Variants in LCA5L observed in about 807,000 individuals in gnomAD.
The protein encoded by LCA5L is lebercilin LCA5 like, also known as lebercilin-like protein.
Under a neutral mutation model 45.4 loss-of-function variants are expected in LCA5L, and 35 were observed. The observed-to-expected ratio is 0.77, with a 90% CI of 0.59 to 1.02. The LOEUF (loss-of-function observed/expected upper bound fraction) is 1.02. LCA5L is among the 50% of genes least tolerant of loss of function. The pLI is 0.00. For missense variants in LCA5L, 668 were observed against 761.6 expected, an observed-to-expected ratio of 0.88 and a Z score of 1.45; for synonymous variants, 233 against 264.7, an observed-to-expected ratio of 0.88 and a Z score of 1.16.
At chr21:39,414,861 A>C (rs2040859791) in intron 7 of LCA5L, among the ~76,000 whole-genome samples, 1 of 151,514 alleles carries the variant, frequency 6.6e-6, no homozygotes, top group Admixed American at 6.6e-5. Context: ...ATCTTCCAGA[A>C]ATTCTTTGTT....
intron 3 of LCA5L, among the ~76,000 whole-genome samples, chr21:39,431,280 C>T (rs1275565218): frequency 6.6e-6 from 1 of 152,050 alleles, no homozygotes; most frequent in African/African-American, 2.4e-5. Context: ...TTTGCAGGAT[C>T]CTTATAGCTA....
chr21:39,444,882 C>T (rs547425116), intron 1 of LCA5L: 10 of 152,112 alleles, frequency 6.6e-5, no homozygotes, highest in African/African-American at 1.9e-4. Flanking sequence ...TGAGCGCTAT[C>T]TTGGACGAGC....
intron 2 of LCA5L, among the ~76,000 whole-genome samples, chr21:39,439,309 C>G (rs1390180082): frequency 6.6e-6 from 1 of 152,200 alleles, no homozygotes; most frequent in Non-Finnish European, 1.5e-5. Flanking sequence ...ATCAGTCCTG[C>G]TGACATCCTA....
chr21:39,411,045 T>C (rs780276469), intron 8 of LCA5L: 30 of 400,586 alleles, frequency 7.5e-5, no homozygotes, highest in Non-Finnish European at 1.2e-4. Flanking sequence ...ATGAGAGGTA[T>C]ACACTAATGA....
At chr21:39,441,847 G>T (rs1454837774) in intron 2 of LCA5L, among the ~76,000 whole-genome samples, 1 of 152,152 alleles carries the variant, frequency 6.6e-6, no homozygotes. Context: ...TATTTTAATA[G>T]AATTGTATTA....
At chr21:39,434,484 G>A (rs1270821052) in intron 3 of LCA5L, among the ~76,000 whole-genome samples, 1 of 152,102 alleles carries the variant, frequency 6.6e-6, no homozygotes, top group Non-Finnish European at 1.5e-5. Context: ...ATTATGTGGT[G>A]CATTTTTGAA....
At chr21:39,419,917 A>T (rs2041997462) in intron 7 of LCA5L, among the ~76,000 whole-genome samples, 1 of 152,222 alleles carries the variant, frequency 6.6e-6, no homozygotes, top group Admixed American at 6.5e-5. Flanking sequence ...AAAGCAGTAT[A>T]CATATTTTTA....
Position 39,433,821 on chromosome 21 carries a change from G to C in LCA5L, c.-92+1599C>G, listed in dbSNP as rs375724264. Among the ~76,000 whole-genome samples, 9 of 148,112 alleles carry C rather than the reference G, an allele frequency of 6.1e-5. No homozygotes were observed. The East Asian group carries it at 8.0e-4, about 13-fold the overall frequency. ...CTTCTATTGCCCAGGCTGGAGTGCA[G>C]TGGCACGATCTTGGCTCACTGCAAC... On this transcript the variant is annotated intron_variant, in intron 3 of 10. Transcript: ENST00000288350.
In LCA5L at chr21:39,406,678, T is replaced by C. The variant is rs1210771677; in HGVS notation, c.1283-66A>G. ...AATGGATCTCTATTTCAAGATGGCA[T>C]GTCTAGTACACTTACGTGCACCGCC... On this transcript the variant is annotated intron_variant, in intron 10 of 10. Transcript: ENST00000288350. 3.9e-6 allele frequency: 5 copies of C among 1,269,940 alleles called. No homozygotes were observed. In the East Asian group the frequency reaches 6.9e-5, roughly 18 times the overall value. The allele number at this position is 1,269,940 out of a possible 1,614,324, so 78.7% of individuals were successfully genotyped here.
chr21:39,424,995 A>G (rs1024173371), intron 5 of LCA5L, among the ~76,000 whole-genome samples: 2 of 152,212 alleles, frequency 1.3e-5, no homozygotes, highest in African/African-American at 4.8e-5. Context: ...CCCATTGTCT[A>G]TGTGCCTATG....
At chr21:39,417,610 G>A (rs2041450091) in intron 7 of LCA5L, among the ~76,000 whole-genome samples, 2 of 152,098 alleles carry the variant, frequency 1.3e-5, no homozygotes, top group African/African-American at 2.4e-5. Flanking sequence ...AATTTATAAG[G>A]GACAGAGGTT....
rs777511988 is a variant in LCA5L at position 39,406,611 on chromosome 21, A to G, written c.1284T>C (p.Asp428=). The G allele has an allele frequency of 6.4e-7, 1 of 1,563,796 alleles. No individual in the cohort carries two copies. Among genetic ancestry groups the G allele is most frequent in the South Asian group, 1.2e-5 (1 of 81,922 alleles). ...KQEDSKRKYE[D]LSGEEKHLEV... is the part of the protein sequence containing the mutation. ...CCAAATGTTTCTCTTCCCCTGATAA[A>G]TCTATATTAGAAAAATAGGCAATTT... is the stretch of plus-strand genomic sequence containing the variant. The change falls in exon 11 of 11, where the codon GAT becomes GAC. Residue 428 remains aspartate, a splice_region_variant and synonymous_variant. Coordinates refer to ENST00000288350, the MANE Select transcript of LCA5L (RefSeq NM_152505.4).
At chr21:39,412,795 G>A (rs1260170456) in intron 7 of LCA5L, among the ~76,000 whole-genome samples, 4 of 152,144 alleles carry the variant, frequency 2.6e-5, no homozygotes, top group African/African-American at 9.7e-5. Flanking sequence ...CGCCTCCCCC[G>A]CCGCCCCATT....
chr21:39,440,988 G>A (rs2076781926), intron 2 of LCA5L, among the ~76,000 whole-genome samples: 1 of 151,890 alleles, frequency 6.6e-6, no homozygotes, highest in South Asian at 2.1e-4. Flanking sequence ...CCAATTTTTT[G>A]CTTCAGAAAT....
At chr21:39,440,048 T>G (rs980182634) in intron 2 of LCA5L, among the ~76,000 whole-genome samples, 4 of 152,110 alleles carry the variant, frequency 2.6e-5, no homozygotes, top group Admixed American at 1.3e-4. Context: ...TGCATATATA[T>G]CTATAAATGT....
At chr21:39,421,339 C>T (rs1249830537) in intron 6 of LCA5L, among the ~76,000 whole-genome samples, 4 of 152,028 alleles carry the variant, frequency 2.6e-5, no homozygotes, top group South Asian at 2.1e-4. Context: ...TGGCCCACCT[C>T]GGCCTCCCAA....
chr21:39,441,876 ATC>A (rs557964239), intron 2 of LCA5L, among the ~76,000 whole-genome samples: 203 of 152,336 alleles, frequency 1.3e-3, no homozygotes, highest in African/African-American at 4.8e-3. Flanking sequence ...GGCGCTTAGT[ATC>A]TCTTACATAT....
intron 7 of LCA5L, among the ~76,000 whole-genome samples, chr21:39,416,610 A>T (rs1050262347): frequency 7.2e-5 from 11 of 152,056 alleles, no homozygotes; most frequent in African/African-American, 2.7e-4. Flanking sequence ...CTTTCACTTC[A>T]GATCAAAATC....
chr21:39,438,388 C>T (rs1213317801), intron 2 of LCA5L, among the ~76,000 whole-genome samples: 6 of 151,942 alleles, frequency 3.9e-5, no homozygotes, highest in Non-Finnish European at 4.4e-5. Flanking sequence ...TAAAAGAAAA[C>T]ACAGAGTGTG....
Sources: allele counts gnomAD v4.1 joint callset (sites outside exome capture counted in the v4.1 genomes callset), GRCh38; gene constraint gnomAD v4.1.1; transcripts MANE v1.5; gene names NCBI Gene and HGNC (gene_info 2026-07-23, HGNC 2026-07-21).